Variants in NEDD4L observed in about 807,000 individuals in gnomAD.
NEDD4L encodes E3 ubiquitin-protein ligase NEDD4-like.
NEDD4L carries 54 observed loss-of-function variants against 148.9 expected under a neutral mutation model. The ratio of observed to expected loss-of-function variants is 0.36; its 90% CI spans 0.29 to 0.45. The LOEUF (loss-of-function observed/expected upper bound fraction) is 0.45, where lower values mean the gene tolerates loss of function less well. Among genes scored for constraint, NEDD4L ranks in the 20% least tolerant of loss-of-function variants. The probability of loss-of-function intolerance (pLI) is 1.00; values close to 1 mark genes in which losing one functional copy is unlikely to be tolerated. For missense variants in NEDD4L, 856 were observed against 1,233.8 expected (o/e 0.69, Z 4.59); for synonymous variants, 433 against 440.7 (o/e 0.98, Z 0.22).
chr18:58,197,326 A>G (rs931851047), intron 2 of NEDD4L, among the ~76,000 whole-genome samples: 1 of 152,174 alleles, frequency 6.6e-6, no homozygotes, highest in African/African-American at 2.4e-5. Context: ...GTTCTACCTC[A>G]TAAGGGACAA....
At chr18:58,045,930 G>A (rs990622412) in intron 1 of NEDD4L, 1 of 152,244 alleles carries the variant, frequency 6.6e-6, no homozygotes, top group African/African-American at 2.4e-5. Context: ...TTGGAAGAAA[G>A]GCTATTATCT....
intron 1 of NEDD4L, among the ~76,000 whole-genome samples, chr18:58,049,348 G>A (rs887747527): frequency 2.6e-5 from 4 of 152,334 alleles, no homozygotes; most frequent in Non-Finnish European, 5.9e-5. Context: ...TTAAAAAGTG[G>A]CCTGTGTGTA....
chr18:58,079,295 A>G (rs1476417222), intron 1 of NEDD4L, among the ~76,000 whole-genome samples: 1 of 152,118 alleles, frequency 6.6e-6, no homozygotes, highest in Non-Finnish European at 1.5e-5. Context: ...AGGAGTCTGT[A>G]CTTCTGGTGT....
At chr18:58,281,892 G>A (rs2053169099) in intron 5 of NEDD4L, among the ~76,000 whole-genome samples, 3 of 151,770 alleles carry the variant, frequency 2.0e-5, no homozygotes, top group Admixed American at 1.3e-4. Context: ...GGGCGTGGTG[G>A]CAGTCACCTG....
At chr18:58,255,998 G>A (rs573754467) in intron 5 of NEDD4L, 22 of 1,230,566 alleles carry the variant, frequency 1.8e-5, no homozygotes, top group East Asian at 1.3e-4. Flanking sequence ...GCCTCCATGC[G>A]CAACGCCCGA....
intron 5 of NEDD4L, among the ~76,000 whole-genome samples, chr18:58,278,042 G>T (rs1033193316): frequency 2.6e-5 from 4 of 151,716 alleles, no homozygotes; most frequent in Admixed American, 1.3e-4. Context: ...CTCCTGGCTT[G>T]TTTTCGCCTT....
chr18:58,387,318 A>G (rs1338019156), intron 26 of NEDD4L, 121 bp from the exon 27 acceptor site: 3 of 1,133,520 alleles, frequency 2.6e-6, no homozygotes, highest in African/African-American at 1.6e-5. Context: ...TGTCACTGAC[A>G]TAGGAATCAT....
chr18:58,194,592 C>T (rs1047349439), intron 2 of NEDD4L, among the ~76,000 whole-genome samples: 2 of 152,128 alleles, frequency 1.3e-5, no homozygotes, highest in East Asian at 1.9e-4. Flanking sequence ...TGGGCTGCAA[C>T]TTGTTGTCCC....
At chr18:58,363,654 CTA>C (rs2045772383) in intron 19 of NEDD4L, among the ~76,000 whole-genome samples, 1 of 152,200 alleles carries the variant, frequency 6.6e-6, no homozygotes, top group Non-Finnish European at 1.5e-5. Context: ...TACTATCACT[CTA>C]TTTCATAGAT....
chr18:58,374,174 C>A (rs1005971519), intron 24 of NEDD4L, among the ~76,000 whole-genome samples: 2 of 152,098 alleles, frequency 1.3e-5, no homozygotes, highest in Non-Finnish European at 2.9e-5. Context: ...AAGCTGATGC[C>A]ACTAGAGGAT....
At chr18:58,229,255 A>G (rs1165712988) in intron 2 of NEDD4L, among the ~76,000 whole-genome samples, 1 of 152,228 alleles carries the variant, frequency 6.6e-6, no homozygotes, top group Non-Finnish European at 1.5e-5. Context: ...CACAAATGCC[A>G]TTTCTTACAT....
intron 1 of NEDD4L, among the ~76,000 whole-genome samples, chr18:58,098,176 T>C (rs747306510): frequency 1.3e-5 from 2 of 152,122 alleles, no homozygotes; most frequent in African/African-American, 2.4e-5. Flanking sequence ...AGTTCATGCC[T>C]AAGGTCAGCT....
intron 30 of NEDD4L, among the ~76,000 whole-genome samples, chr18:58,394,020 A>G (rs970866346): frequency 6.6e-6 from 1 of 152,216 alleles, no homozygotes; most frequent in African/African-American, 2.4e-5. Context: ...GCAAACAAAA[A>G]TCATCTCGTT....
At chr18:58,111,037 C>T (rs748026108) in intron 1 of NEDD4L, among the ~76,000 whole-genome samples, 34 of 152,276 alleles carry the variant, frequency 2.2e-4, no homozygotes, top group Middle Eastern at 3.4e-3. Flanking sequence ...TTATATTCAA[C>T]GTTGTGCAAC....
At chr18:58,276,703 T>G (rs2052104860) in intron 5 of NEDD4L, among the ~76,000 whole-genome samples, 1 of 149,654 alleles carries the variant, frequency 6.7e-6, no homozygotes. Flanking sequence ...AATATTATTA[T>G]TATTATTATT....
At chr18:58,301,261 C>G (rs901222457) in intron 5 of NEDD4L, among the ~76,000 whole-genome samples, 35 of 152,190 alleles carry the variant, frequency 2.3e-4, no homozygotes, top group Admixed American at 1.4e-3. Context: ...ATTCACTGAC[C>G]CCTTCTCCTC....
intron 1 of NEDD4L, among the ~76,000 whole-genome samples, chr18:58,077,592 C>T (rs1384339889): frequency 6.6e-6 from 1 of 152,044 alleles, no homozygotes; most frequent in African/African-American, 2.4e-5. Context: ...TTCCAAGCGC[C>T]ATGATAGTTT....
chr18:58,202,222 T>C, intron 2 of NEDD4L, among the ~76,000 whole-genome samples: 1 of 152,240 alleles, frequency 6.6e-6, no homozygotes. Flanking sequence ...CCTTGTGTTT[T>C]ACAGCTAAAG....
intron 5 of NEDD4L, among the ~76,000 whole-genome samples, chr18:58,283,659 T>C (rs1345403549): frequency 1.3e-5 from 2 of 152,238 alleles, no homozygotes; most frequent in Non-Finnish European, 2.9e-5. Flanking sequence ...CTGCTGGTGC[T>C]ACACAACATA....
Sources: allele counts gnomAD v4.1 joint callset (sites outside exome capture counted in the v4.1 genomes callset), GRCh38; gene constraint gnomAD v4.1.1; transcripts MANE v1.5; gene names NCBI Gene and HGNC (gene_info 2026-07-23, HGNC 2026-07-21).